Variants in DOCK3 observed in about 807,000 individuals in gnomAD.
DOCK3 encodes dedicator of cytokinesis 3.
A neutral mutation model predicts 265.6 loss-of-function variants in DOCK3; 60 were observed. The observed-to-expected ratio is 0.23, with a 90% confidence interval of 0.18 to 0.28. DOCK3 has a LOEUF of 0.28. Among genes scored for constraint, DOCK3 ranks in the 10% least tolerant of loss-of-function variants. The probability of loss-of-function intolerance (pLI) is 1.00; values close to 1 mark genes in which losing one functional copy is unlikely to be tolerated. For missense variants in DOCK3, 1,981 were observed against 2,594.3 expected, an observed-to-expected ratio of 0.76 and a Z score of 5.14; for synonymous variants, 881 against 938.0, an observed-to-expected ratio of 0.94 and a Z score of 1.11.
chr3:50,826,743 T>C (rs2044779365), intron 2 of DOCK3, among the ~76,000 whole-genome samples: 1 of 152,094 alleles, frequency 6.6e-6, no homozygotes, highest in Admixed American at 6.6e-5. Context: ...ACAAAAGAGC[T>C]CTTGGAAATT....
intron 1 of DOCK3, among the ~76,000 whole-genome samples, chr3:50,708,233 G>A (rs2609036): frequency 0.095 from 14,391 of 152,238 alleles, 839 homozygotes; most frequent in Non-Finnish European, 0.12. Flanking sequence ...TGGGAATCCT[G>A]CTGCTGGAGG....
chr3:51,354,841 A>T (rs2086255926), intron 40 of DOCK3, 41 bp from the exon 41 acceptor site: 1 of 1,595,850 alleles, frequency 6.3e-7, no homozygotes, highest in Non-Finnish European at 8.6e-7. Context: ...GGGGGGCTAC[A>T]AGCAAAGCAT....
chr3:50,934,453 T>G (rs1427885959), intron 5 of DOCK3, among the ~76,000 whole-genome samples: 1 of 152,210 alleles, frequency 6.6e-6, no homozygotes, highest in Non-Finnish European at 1.5e-5. Flanking sequence ...GCCGATAAAT[T>G]GTGTTAACAG....
intron 25 of DOCK3, among the ~76,000 whole-genome samples, chr3:51,276,986 C>G (rs1394967562): frequency 6.6e-6 from 1 of 152,154 alleles, no homozygotes; most frequent in African/African-American, 2.4e-5. Context: ...GAAAGATGCA[C>G]TGAGGCTGGA....
At chr3:51,054,774 C>T (rs1181674894) in intron 5 of DOCK3, among the ~76,000 whole-genome samples, 1 of 152,092 alleles carries the variant, frequency 6.6e-6, no homozygotes, top group Non-Finnish European at 1.5e-5. Context: ...CTTCCAAAAG[C>T]CCTTTTGGGT....
chr3:50,786,943 A>C (rs1205322047), intron 2 of DOCK3: 19 of 740,144 alleles, frequency 2.6e-5, no homozygotes, highest in Non-Finnish European at 4.6e-5. Flanking sequence ...CACAGGTTTC[A>C]CATGTAAATG....
chr3:51,256,936 T>C (rs1318429486), intron 22 of DOCK3, among the ~76,000 whole-genome samples: 1 of 152,178 alleles, frequency 6.6e-6, no homozygotes, highest in Admixed American at 6.5e-5. Flanking sequence ...GCAACTGATG[T>C]GACTAAAGCA....
At chr3:50,842,420 CTAATAATCAGTTT>C in intron 3 of DOCK3, among the ~76,000 whole-genome samples, 1 of 152,006 alleles carries the variant, frequency 6.6e-6, no homozygotes, top group Admixed American at 6.6e-5. Context: ...GTTTAGAGTT[CTAATAATCAGTTT>C]TGCCAGTAGA....
At chr3:51,256,593 G>GTTTT (rs74193219) in intron 22 of DOCK3, among the ~76,000 whole-genome samples, 4 of 126,792 alleles carry the variant, frequency 3.2e-5, no homozygotes, top group Non-Finnish European at 5.1e-5. Context: ...TTTCGTTTTT[G>GTTTT]TTTTTTTTTT....
Position 51,375,845 on chromosome 3 carries a change from C to A in DOCK3, c.5500+10C>A, listed in dbSNP as rs528286877. ...TCTGTGGCTGAAAAAGGTATTGTTG[C>A]CCAGGTGGCCTTCCCCCCATGTCTG... On this transcript the variant is annotated intron_variant, in intron 51 of 52. Coordinates refer to ENST00000266037, the MANE Select transcript of DOCK3 (RefSeq NM_004947.5). 1.7e-5 allele frequency: 28 copies of A among 1,613,904 alleles called. No homozygotes were observed. The African/African-American group carries it at 3.6e-4, about 21-fold the overall frequency.
At chr3:51,354,132 T>C (rs1436077767) in intron 40 of DOCK3, among the ~76,000 whole-genome samples, 1 of 152,194 alleles carries the variant, frequency 6.6e-6, no homozygotes, top group African/African-American at 2.4e-5. Context: ...AATAAACAGT[T>C]ACTGAATACC....
intron 23 of DOCK3, among the ~76,000 whole-genome samples, chr3:51,265,469 G>T (rs527769064): frequency 1.1e-4 from 16 of 152,104 alleles, no homozygotes; most frequent in Non-Finnish European, 2.4e-4. Context: ...CTGGCAAACC[G>T]AATCCAGCAG....
At chr3:51,271,848 CA>C (rs1443069733) in intron 24 of DOCK3, among the ~76,000 whole-genome samples, 6 of 94,284 alleles carry the variant, frequency 6.4e-5, no homozygotes, top group African/African-American at 2.3e-4. Flanking sequence ...GAGACTGTCT[CA>C]GGAAAAAAAA....
At chr3:51,338,751 C>G (rs548227741) in intron 36 of DOCK3, among the ~76,000 whole-genome samples, 184 bp from the exon 37 acceptor site, 2 of 152,318 alleles carry the variant, frequency 1.3e-5, no homozygotes, top group African/African-American at 2.4e-5. Context: ...TCCCATAGAC[C>G]TGCCAGTGGT....
intron 5 of DOCK3, among the ~76,000 whole-genome samples, chr3:51,012,401 T>A (rs549468651): frequency 6.6e-6 from 1 of 152,140 alleles, no homozygotes; most frequent in Non-Finnish European, 1.5e-5. Flanking sequence ...CTCAGACTGC[T>A]GTGCTAGCAA....
chr3:51,267,605 C>T (rs984340984), intron 23 of DOCK3, among the ~76,000 whole-genome samples: 1 of 152,036 alleles, frequency 6.6e-6, no homozygotes, highest in Admixed American at 6.6e-5. Flanking sequence ...AGGCTAGTCT[C>T]GAACTCCTGA....
At chr3:50,740,639 G>A (rs1039184509) in intron 1 of DOCK3, among the ~76,000 whole-genome samples, 2 of 151,988 alleles carry the variant, frequency 1.3e-5, no homozygotes, top group Admixed American at 6.6e-5. Flanking sequence ...CTGTTTTACC[G>A]TCTTGGAAGT....
intron 3 of DOCK3, among the ~76,000 whole-genome samples, chr3:50,842,140 G>A (rs1437869757): frequency 1.3e-5 from 2 of 152,084 alleles, no homozygotes; most frequent in African/African-American, 4.8e-5. Flanking sequence ...TAAACAAGTT[G>A]TTAGTGTAGA....
chr3:50,882,106 A>G (rs1382149594), intron 3 of DOCK3, among the ~76,000 whole-genome samples: 2 of 152,222 alleles, frequency 1.3e-5, no homozygotes, highest in Non-Finnish European at 2.9e-5. Context: ...ACCTTTTACA[A>G]GAATTAATTC....
Sources: gnomAD v4.1 joint callset for allele counts (sites outside exome capture counted in the v4.1 genomes callset) on GRCh38, gnomAD v4.1.1 for gene constraint, MANE v1.5 for transcripts, NCBI Gene and HGNC (gene_info 2026-07-23, HGNC 2026-07-21) for gene names.